HELZ: variants seen among roughly 807,000 people sequenced by gnomAD.
HELZ encodes the protein ATP-dependent RNA helicase with zinc finger domain.
HELZ carries 23 observed loss-of-function variants against 218.2 expected under a neutral mutation model. The observed-to-expected ratio is 0.11, with a 90% CI of 0.08 to 0.15. HELZ has a LOEUF of 0.15. Ranked by LOEUF, HELZ falls within the 10% of genes least tolerant of loss-of-function variation. HELZ has a pLI of 1.00. For synonymous variants in HELZ, 814 were observed against 829.4 expected (o/e 0.98, Z 0.32); for missense variants, 1,813 against 2,353.7 (o/e 0.77, Z 4.75).
chr17:67,195,700 T>C (rs1414716564), intron 7 of HELZ, among the ~76,000 whole-genome samples: 1 of 152,104 alleles, frequency 6.6e-6, no homozygotes, highest in Non-Finnish European at 1.5e-5. Context: ...GCCTCCTACA[T>C]AGAAATTAGC....
At chr17:67,087,528 G>A (rs751978785) in intron 31 of HELZ, among the ~76,000 whole-genome samples, 12 of 152,166 alleles carry the variant, frequency 7.9e-5, no homozygotes, top group Non-Finnish European at 1.8e-4. Context: ...AGCAGAGTCA[G>A]CTATTCTACA....
At chr17:67,079,410 TATGTA>T (rs966454503) in intron 32 of HELZ, among the ~76,000 whole-genome samples, 3 of 152,238 alleles carry the variant, frequency 2.0e-5, no homozygotes, top group African/African-American at 4.8e-5. Flanking sequence ...ATAACTTACT[TATGTA>T]ATGTCTCATT....
intron 15 of HELZ, among the ~76,000 whole-genome samples, chr17:67,164,775 T>C (rs1029529757): frequency 2.0e-5 from 3 of 152,194 alleles, no homozygotes; most frequent in Non-Finnish European, 4.4e-5. Flanking sequence ...GAAAGGATAC[T>C]GCTGGAAAGC....
rs755733027 is a variant in HELZ at position 67,108,737 on chromosome 17, ATTT to A, written c.4490-14_4490-12del. The A allele has an allele frequency of 9.1e-6, 14 of 1,541,030 alleles. No individual in the cohort carries two copies. The African/African-American group carries it at 1.7e-4, about 18-fold the overall frequency. On this transcript the variant is annotated splice_polypyrimidine_tract_variant and intron_variant, in intron 29 of 32. Transcript: ENST00000358691. The surrounding 1 kb of genome is among the most constrained non-coding windows in gnomAD (Gnocchi z 4.1). Reference sequence around the variant, plus strand: ...TCCCATGTATACGATCTGCAAAAATATTTGTGAAAAATTTTTTATGAATTTGGG... The same window carrying A: ...TCCCATGTATACGATCTGCAAAAATAGTGAAAAATTTTTTATGAATTTGGG...
At chr17:67,118,692 C>CAAA (rs142101119) in intron 27 of HELZ, among the ~76,000 whole-genome samples, 2,683 of 44,932 alleles carry the variant, frequency 0.06, 197 homozygotes, top group African/African-American at 0.081. Flanking sequence ...CTTTAAAAGG[C>CAAA]AAAAAAAAAA....
intron 19 of HELZ, among the ~76,000 whole-genome samples, chr17:67,149,288 A>G (rs930934197): frequency 1.3e-5 from 2 of 152,184 alleles, no homozygotes; most frequent in African/African-American, 4.8e-5. Flanking sequence ...CGACAGCTAT[A>G]TAGTATGATG....
At chr17:67,225,302 C>G (rs2040859853) in intron 3 of HELZ, 2 of 204,380 alleles carry the variant, frequency 9.8e-6, no homozygotes, top group African/African-American at 4.8e-5. Context: ...GAAACTGAAG[C>G]ACAGAGTTAA....
At position 67,218,775 on chromosome 17, in the gene HELZ, A is replaced by C; in HGVS notation, c.30T>G (p.Cys10Trp). 6.2e-7 allele frequency: 1 copy of C among 1,614,238 alleles called. No individual in the cohort carries two copies. Among genetic ancestry groups the C allele is most frequent in the Non-Finnish European group, 8.5e-7 (1 of 1,180,030 alleles). Reference protein sequence around the residue: MEDRRAEKSCEQACESLKRQ... With the variant: MEDRRAEKSWEQACESLKRQ... ...TCTTAAGTGATTCACATGCTTGTTC[A>C]CATGACTTTTCAGCTCTTCTGTCTT... is the stretch of plus-strand genomic sequence containing the variant. Residue 10 changes from cysteine to tryptophan, a missense_variant, in exon 4 of 33, where the codon TGT becomes TGG. Transcript: ENST00000358691.
chr17:67,226,196 T>C (rs1598459782), intron 3 of HELZ, among the ~76,000 whole-genome samples: 1 of 147,908 alleles, frequency 6.8e-6, no homozygotes, highest in Non-Finnish European at 1.5e-5. Context: ...GAGGCGGAGG[T>C]TGCAGTGAGC....
At position 67,107,030 on chromosome 17, in the gene HELZ, TA is replaced by T. The variant is rs564237246; in HGVS notation, c.5241+138del. 2,338 of 861,678 alleles carry T rather than the reference TA, an allele frequency of 2.7e-3. 12 individuals are homozygous for T. The highest frequency in any genetic ancestry group is 2.4e-3 in the Non-Finnish European group (1,386 of 573,016). The allele number at this position is 861,678 out of a possible 1,614,324, so 53.4% of individuals were successfully genotyped here. ...TGAAATACAATAGGAGGGTGGCAAT[TA>T]AAATAATTCCCAAGAAAGGATTATC... On this transcript the variant is annotated intron_variant, in intron 31 of 32. Coordinates refer to ENST00000358691, the MANE Select transcript of HELZ (RefSeq NM_014877.4).
chr17:67,109,608 G>A lies in HELZ; in HGVS notation c.3997C>T (p.Arg1333Cys), dbSNP rs1423143968. 6 of 1,614,100 alleles carry A rather than the reference G, an allele frequency of 3.7e-6. No homozygotes were observed. Among genetic ancestry groups the A allele is most frequent in the African/African-American group, 1.3e-5 (1 of 75,024 alleles). The change falls in exon 29 of 33, where the codon CGC becomes TGC. Residue 1333 changes from arginine (R) to cysteine (C), a missense_variant. By Grantham distance (180) the Arg-to-Cys change is radical (BLOSUM62 -3). Around this residue, in one of 4 missense-constraint regions of HELZ, gnomAD observed 938 missense variants for 1,027.5 expected, o/e 0.91. Transcript: ENST00000358691. ...TGTCTTGGGTTGAGATTATCTTTGC[G>A]AGGAAATTTGGTACTGGGATAAACA... ...SVVYPSTKFP[R>C]KDNLNPRHIN...
chr17:67,089,445 A>G (rs2036490924), intron 31 of HELZ, among the ~76,000 whole-genome samples: 1 of 151,954 alleles, frequency 6.6e-6, no homozygotes, highest in African/African-American at 2.4e-5. Context: ...ATCCAAAATA[A>G]TCACTCAGTT....
upstream of HELZ, chr17:67,245,373 T>A (rs562687871): frequency 8.0e-6 from 6 of 749,206 alleles, no homozygotes; most frequent in Non-Finnish European, 9.8e-6. Flanking sequence ...GCTGACGGCA[T>A]TGAAAATTCA....
intron 12 of HELZ, 108 bp from the exon 13 acceptor site, chr17:67,179,034 G>T: frequency 1.5e-6 from 1 of 685,242 alleles, no homozygotes; most frequent in Non-Finnish European, 2.3e-6. Flanking sequence ...AATTGTATAT[G>T]CTAGAGCTCA....
intron 5 of HELZ, among the ~76,000 whole-genome samples, chr17:67,209,585 G>A (rs1195002038): frequency 2.0e-5 from 3 of 152,126 alleles, no homozygotes; most frequent in Non-Finnish European, 2.9e-5. Flanking sequence ...GCAACAGAGC[G>A]AGACTCTGTC....
At chr17:67,118,453 TA>T (rs1157631002) in intron 27 of HELZ, among the ~76,000 whole-genome samples, 1 of 152,070 alleles carries the variant, frequency 6.6e-6, no homozygotes. Context: ...GGGTTAGATA[TA>T]TTTTTTTTAA....
intron 21 of HELZ, among the ~76,000 whole-genome samples, chr17:67,141,896 T>C (rs2038338312): frequency 6.6e-6 from 1 of 151,826 alleles, no homozygotes; most frequent in South Asian, 2.1e-4. Flanking sequence ...ATATAAAAAT[T>C]AGCCAGGTGT....
intron 23 of HELZ, among the ~76,000 whole-genome samples, chr17:67,129,420 A>ATG (rs975695592): frequency 2.6e-5 from 4 of 151,928 alleles, no homozygotes; most frequent in African/African-American, 7.2e-5. Flanking sequence ...TGTGTAATCT[A>ATG]TGTGTGTGTG....
At chr17:67,157,189 C>A (rs1427559263) in intron 17 of HELZ, among the ~76,000 whole-genome samples, 1 of 152,208 alleles carries the variant, frequency 6.6e-6, no homozygotes, top group Non-Finnish European at 1.5e-5. Flanking sequence ...GCCAATTAAA[C>A]CTCTTTTCTT....
Sources: gnomAD v4.1 joint callset for allele counts (sites outside exome capture counted in the v4.1 genomes callset) on GRCh38, gnomAD v4.1.1 for gene constraint, gnomAD v4.1.1 regional missense constraint, Gnocchi (gnomAD v3.1) non-coding constraint, MANE v1.5 for transcripts, NCBI Gene and HGNC (gene_info 2026-07-23, HGNC 2026-07-21) for gene names.